Variants in ADAMTS3 observed in about 807,000 individuals in gnomAD.
The protein encoded by ADAMTS3 is ADAM metallopeptidase with thrombospondin type 1 motif 3.
Under a neutral mutation model 129.0 loss-of-function variants are expected in ADAMTS3, and 73 were observed. The ratio of observed to expected loss-of-function variants is 0.57; its 90% CI spans 0.47 to 0.69. The LOEUF is 0.69. ADAMTS3 is among the 30% of genes least tolerant of loss of function. The pLI is 0.00. For missense variants in ADAMTS3, 1,457 were observed against 1,514.5 expected (o/e 0.96, Z 0.63); for synonymous variants, 477 against 510.8 (o/e 0.93, Z 0.89).
In ADAMTS3 at chr4:72,568,745, A is replaced by G. The variant is rs1722086952; in HGVS notation, c.18T>C (p.Leu6=). Residue 6 remains leucine, a synonymous_variant, in exon 1 of 22, where the codon CTT becomes CTC. Transcript: ENST00000286657. ...CTACCAGAGCGGCTGCTATCAACCAAAGTGACAGGAGAACCATCACGAGTC... is the reference window on the plus strand; with the variant it reads ...CTACCAGAGCGGCTGCTATCAACCAGAGTGACAGGAGAACCATCACGAGTC... MVLLS[L]WLIAAALVEV... is the part of the protein sequence containing the mutation. 3.1e-6 allele frequency: 5 copies of G among 1,613,954 alleles called. No homozygotes were observed. Among genetic ancestry groups the G allele is most frequent in the Non-Finnish European group, 4.2e-6 (5 of 1,179,972 alleles).
In ADAMTS3 at chr4:72,544,608, A is replaced by G. The variant is rs560061817; in HGVS notation, c.504+3870T>C. On this transcript the variant is annotated intron_variant, in intron 3 of 21. Transcript: ENST00000286657. ...TGATTACTACAAAGGCATCATATCA[A>G]TTCTGTGCTGTGCTTTTGTTCTTGT... Among the ~76,000 whole-genome samples, 13 of 152,314 alleles carry G rather than the reference A, an allele frequency of 8.5e-5. No homozygotes were observed. In the South Asian group the frequency reaches 2.7e-3, roughly 32 times the overall value.
intron 4 of ADAMTS3, among the ~76,000 whole-genome samples, chr4:72,398,145 GA>G (rs1312181527): frequency 6.6e-6 from 1 of 152,152 alleles, no homozygotes; most frequent in Non-Finnish European, 1.5e-5. Flanking sequence ...GGTCTCTGCG[GA>G]AAACTATTTA....
rs1718341719 is a variant in ADAMTS3, at chr4:72,281,523, A to C, written c.*1613T>G. ...CATGATGCACTTATCTCTTTCAAAA[A>C]CTTTTAAAAATGTTTCTAATTCACA... On this transcript the variant is annotated 3_prime_UTR_variant, in exon 22 of 22. Coordinates refer to ENST00000286657, the MANE Select transcript of ADAMTS3 (RefSeq NM_014243.3). 6.6e-6 allele frequency: 1 copy of C among 152,222 alleles called. No homozygotes were observed. 9.4% of individuals were successfully genotyped at this position (152,222 alleles called of 1,614,324 possible). A position where few individuals can be genotyped will look rare whatever the true frequency, so the allele number is the denominator to read the frequency against.
At chr4:72,476,535 A>T (rs112823092) in intron 3 of ADAMTS3, among the ~76,000 whole-genome samples, 3 of 152,242 alleles carry the variant, frequency 2.0e-5, no homozygotes, top group African/African-American at 7.2e-5. Context: ...ATTCTACCAA[A>T]TGGTTGAAGA....
At chr4:72,568,135 C>A in intron 1 of ADAMTS3, 1 of 153,076 alleles carries the variant, frequency 6.5e-6, no homozygotes, top group Non-Finnish European at 1.5e-5. Flanking sequence ...CCCTCCCCAA[C>A]TGTCAAATCC....
intron 4 of ADAMTS3, among the ~76,000 whole-genome samples, chr4:72,382,134 A>G (rs1721306573): frequency 6.6e-6 from 1 of 152,284 alleles, no homozygotes; most frequent in African/African-American, 2.4e-5. Context: ...CTTGTCACGT[A>G]AGGACCCATC....
intron 16 of ADAMTS3, 124 bp from the exon 17 acceptor site, chr4:72,304,204 T>A: frequency 1.1e-6 from 1 of 919,122 alleles, no homozygotes; most frequent in East Asian, 2.5e-5. Flanking sequence ...TAGCAAGGAA[T>A]CAAAATGGGT....
chr4:72,502,890 C>T (rs1288991788), intron 3 of ADAMTS3, among the ~76,000 whole-genome samples: 2 of 152,088 alleles, frequency 1.3e-5, no homozygotes, highest in Non-Finnish European at 2.9e-5. Context: ...CACTGACAGG[C>T]TCTGGTGTGT....
intron 19 of ADAMTS3, among the ~76,000 whole-genome samples, chr4:72,293,052 G>T (rs1718717334): frequency 6.6e-6 from 1 of 152,178 alleles, no homozygotes; most frequent in Non-Finnish European, 1.5e-5. Flanking sequence ...AGAAATTTGA[G>T]AGGAAGTCAC....
chr4:72,456,533 A>G (rs1220816443), intron 3 of ADAMTS3, among the ~76,000 whole-genome samples: 1 of 150,694 alleles, frequency 6.6e-6, no homozygotes, highest in Non-Finnish European at 1.5e-5. Context: ...CTTCACCAGC[A>G]GCATCTGTGA....
intron 4 of ADAMTS3, among the ~76,000 whole-genome samples, chr4:72,364,690 A>G (rs1393919629): frequency 1.3e-5 from 2 of 152,098 alleles, no homozygotes; most frequent in South Asian, 2.1e-4. Context: ...ATTTCTCAAC[A>G]ATGTTTATTA....
At chr4:72,299,805 T>C (rs1359452867) in intron 17 of ADAMTS3, among the ~76,000 whole-genome samples, 1 of 152,176 alleles carries the variant, frequency 6.6e-6, no homozygotes, top group Non-Finnish European at 1.5e-5. Context: ...TTATTGGAAC[T>C]GTACACATTT....
chr4:72,486,639 C>T (rs2110011087), intron 3 of ADAMTS3, among the ~76,000 whole-genome samples: 1 of 152,070 alleles, frequency 6.6e-6, no homozygotes, highest in East Asian at 1.9e-4. Flanking sequence ...AAGATTGAAT[C>T]AAATATGAAA....
intron 4 of ADAMTS3, among the ~76,000 whole-genome samples, chr4:72,401,574 A>G (rs1429462236): frequency 2.1e-4 from 30 of 142,648 alleles, no homozygotes; most frequent in African/African-American, 6.4e-4. Context: ...CTCAAAAAAA[A>G]AAAAAAAAAA....
intron 3 of ADAMTS3, among the ~76,000 whole-genome samples, chr4:72,537,749 A>G (rs1288568562): frequency 6.6e-6 from 1 of 152,106 alleles, no homozygotes; most frequent in Admixed American, 6.5e-5. Context: ...GGAACAGAAA[A>G]GTATGGTCCA....
intron 12 of ADAMTS3, 43 bp from the exon 13 acceptor site, chr4:72,312,509 C>A (rs112935493): frequency 3.8e-6 from 6 of 1,596,986 alleles, no homozygotes; most frequent in Admixed American, 1.7e-5. Context: ...TGGCTTCTGT[C>A]TAGCAGTTGA....
chr4:72,519,743 AT>A (rs1216217482), intron 3 of ADAMTS3, among the ~76,000 whole-genome samples: 1 of 143,410 alleles, frequency 7.0e-6, no homozygotes, highest in Non-Finnish European at 1.5e-5. Flanking sequence ...ATTCGTCTAA[AT>A]TTTTTTCAAA....
intron 4 of ADAMTS3, among the ~76,000 whole-genome samples, chr4:72,403,045 T>C (rs1363413369): frequency 6.6e-6 from 1 of 152,142 alleles, no homozygotes; most frequent in Non-Finnish European, 1.5e-5. Flanking sequence ...GTTTCTCTGC[T>C]GTATAACACA....
chr4:72,286,317 T>C (rs985876980), intron 21 of ADAMTS3, among the ~76,000 whole-genome samples: 1 of 152,246 alleles, frequency 6.6e-6, no homozygotes, highest in Non-Finnish European at 1.5e-5. Flanking sequence ...TTAAAACTTC[T>C]GAGTAAAGTT....
Sources: gnomAD v4.1 joint callset for allele counts (sites outside exome capture counted in the v4.1 genomes callset) on GRCh38, gnomAD v4.1.1 for gene constraint, MANE v1.5 for transcripts, NCBI Gene and HGNC (gene_info 2026-07-23, HGNC 2026-07-21) for gene names.